The following PREX1 variants were observed in gnomAD, a reference collection of about 807,000 sequenced individuals.
PREX1 encodes phosphatidylinositol-3,4,5-trisphosphate dependent Rac exchange factor 1.
Under a neutral mutation model 198.3 loss-of-function variants are expected in PREX1, and 41 were observed. The ratio of observed to expected loss-of-function variants is 0.21; its 90% CI spans 0.16 to 0.27. The LOEUF (loss-of-function observed/expected upper bound fraction) is 0.27. Among genes scored for constraint, PREX1 ranks in the 10% least tolerant of loss-of-function variants. The pLI is 1.00. For missense variants in PREX1, 1,620 were observed against 2,200.7 expected (o/e 0.74, Z 5.28); for synonymous variants, 843 against 887.2 (o/e 0.95, Z 0.89).
At chr20:48,836,298 G>C in the PREX1 span, among the ~76,000 whole-genome samples, 2 of 152,320 alleles carry the variant, frequency 1.3e-5, no homozygotes, top group South Asian at 4.2e-4. Context: ...GATAGTTAAA[G>C]CCTTGGGGCT....
the PREX1 span, among the ~76,000 whole-genome samples, chr20:48,864,497 G>A: frequency 2.0e-5 from 3 of 152,204 alleles, no homozygotes; most frequent in African/African-American, 7.2e-5. Flanking sequence ...GTCTTCACAA[G>A]CACACTGGGA....
rs915709598 is a variant in PREX1 at position 48,666,726 on chromosome 20, T to C, written c.1666-371A>G. 2.0e-5 allele frequency among the ~76,000 whole-genome samples: 3 copies of C among 151,880 alleles called. No individual in the cohort carries two copies. Among genetic ancestry groups the C allele is most frequent in the African/African-American group, 7.3e-5 (3 of 41,342 alleles). On this transcript the variant is annotated intron_variant, in intron 14 of 39. Coordinates refer to ENST00000371941, the MANE Select transcript of PREX1 (RefSeq NM_020820.4). The surrounding 1 kb of genome is among the most constrained non-coding windows in gnomAD (Gnocchi z 4.3). ...ATTTTTAGTAGAGACGGGGTTTCAC[T>C]GTGTTAGCCAGGATGGTCTCAATCT... is the stretch of plus-strand genomic sequence containing the variant.
In PREX1 at chr20:48,636,628, G is replaced by T; in HGVS notation, c.4002C>A (p.Ala1334=). The T allele has an allele frequency of 2.5e-6, 4 of 1,611,394 alleles. No individual in the cohort carries two copies. The highest frequency in any genetic ancestry group is 3.4e-6 in the Non-Finnish European group (4 of 1,179,488). ...GCAGCTGCTTGGAGAAGGTGCACACGGCGGCCACCAGGGCCTGGCAGAAGA... is the reference window on the plus strand; with the variant it reads ...GCAGCTGCTTGGAGAAGGTGCACACTGCGGCCACCAGGGCCTGGCAGAAGA... The part of the protein sequence containing the change: ...DAIFCQALVA[A]VCTFSKQLLA... Residue 1334 remains alanine (A), a synonymous_variant, in exon 32 of 40, where the codon GCC becomes GCA. Coordinates refer to ENST00000371941, the MANE Select transcript of PREX1 (RefSeq NM_020820.4).
intron 14 of PREX1, among the ~76,000 whole-genome samples, chr20:48,668,754 T>G (rs2044924194): frequency 6.6e-6 from 1 of 152,000 alleles, no homozygotes; most frequent in African/African-American, 2.4e-5. Flanking sequence ...GGCCTGCGGG[T>G]TGGGAACCCT....
chr20:48,720,802 C>G (rs1181506656), intron 5 of PREX1, among the ~76,000 whole-genome samples: 1 of 151,970 alleles, frequency 6.6e-6, no homozygotes, highest in Non-Finnish European at 1.5e-5. Flanking sequence ...CAGCCACTTT[C>G]CTCCCAGCCA....
chr20:48,683,317 C>G (rs1416289820), intron 10 of PREX1, among the ~76,000 whole-genome samples: 2 of 152,236 alleles, frequency 1.3e-5, no homozygotes, highest in Non-Finnish European at 2.9e-5. Flanking sequence ...CAGAGGACAG[C>G]AACTCTGCCC....
chr20:48,805,318 C>T (rs1191052380), intron 1 of PREX1, among the ~76,000 whole-genome samples: 1 of 152,222 alleles, frequency 6.6e-6, no homozygotes, highest in Non-Finnish European at 1.5e-5. Context: ...GAAACTGAGG[C>T]TCAGTCAGAG....
At chr20:48,728,301 G>A (rs1281778656) in intron 4 of PREX1, among the ~76,000 whole-genome samples, 3 of 152,174 alleles carry the variant, frequency 2.0e-5, no homozygotes, top group African/African-American at 7.2e-5. Context: ...GCTGTGCCTT[G>A]TGCTTCACAT....
At chr20:48,773,499 T>A (rs1432641886) in intron 1 of PREX1, among the ~76,000 whole-genome samples, 1 of 152,098 alleles carries the variant, frequency 6.6e-6, no homozygotes, top group Non-Finnish European at 1.5e-5. Flanking sequence ...TGGGACCTCA[T>A]TCATTCATTC....
intron 13 of PREX1, among the ~76,000 whole-genome samples, chr20:48,678,309 CA>C (rs59216848): frequency 3.0e-4 from 42 of 141,684 alleles, no homozygotes; most frequent in Admixed American, 6.4e-4. Flanking sequence ...GGCTCTGTCT[CA>C]AAAAAAAAAA....
chr20:48,652,527 G>A, intron 21 of PREX1, 59 bp downstream of exon 21: 9 of 1,537,722 alleles, frequency 5.9e-6, no homozygotes, highest in Non-Finnish European at 7.9e-6. Context: ...AGAGGACCCA[G>A]CCCCTCCGGA....
At chr20:48,788,841 C>T (rs1280657829) in intron 1 of PREX1, among the ~76,000 whole-genome samples, 1 of 152,046 alleles carries the variant, frequency 6.6e-6, no homozygotes, top group Non-Finnish European at 1.5e-5. Flanking sequence ...GGAGTGGAAC[C>T]GGTGGCTTTG....
At chr20:48,737,017 T>C (rs1421512177) in intron 3 of PREX1, among the ~76,000 whole-genome samples, 1 of 152,060 alleles carries the variant, frequency 6.6e-6, no homozygotes, top group East Asian at 1.9e-4. Flanking sequence ...ATCATTACCA[T>C]AATGGTGTTG....
intron 32 of PREX1, among the ~76,000 whole-genome samples, chr20:48,635,687 A>T (rs2089357272): frequency 6.6e-6 from 1 of 152,172 alleles, no homozygotes; most frequent in Admixed American, 6.5e-5. Flanking sequence ...CTTCCTGTAG[A>T]GATTGCCTTC....
the PREX1 span, among the ~76,000 whole-genome samples, chr20:48,866,328 G>A: frequency 4.6e-5 from 7 of 152,184 alleles, no homozygotes; most frequent in African/African-American, 1.4e-4. Flanking sequence ...TTTTCCAGAT[G>A]GATTTTTTGA....
At chr20:48,694,396 A>G (rs535227794) in intron 7 of PREX1, among the ~76,000 whole-genome samples, 103 of 152,328 alleles carry the variant, frequency 6.8e-4, no homozygotes, top group African/African-American at 2.0e-3. Flanking sequence ...ACTATGTGCC[A>G]GGCACTGTTT....
At chr20:48,661,480 T>C (rs1160305439) in intron 15 of PREX1, among the ~76,000 whole-genome samples, 113 of 111,044 alleles carry the variant, frequency 1.0e-3, no homozygotes, top group African/African-American at 4.2e-3. Context: ...CACACACATA[T>C]ATATAATATA....
At chr20:48,671,348 T>C (rs1427167475) in intron 14 of PREX1, among the ~76,000 whole-genome samples, 1 of 152,176 alleles carries the variant, frequency 6.6e-6, no homozygotes, top group African/African-American at 2.4e-5. Flanking sequence ...ACTGTGACTA[T>C]GAGGCAACTC....
At chr20:48,768,009 G>A (rs915202464) in intron 1 of PREX1, among the ~76,000 whole-genome samples, 4 of 152,166 alleles carry the variant, frequency 2.6e-5, no homozygotes, top group African/African-American at 9.7e-5. Flanking sequence ...TGCCAGCTCC[G>A]TGATGGTGAG....
Sources: allele counts gnomAD v4.1 joint callset (sites outside exome capture counted in the v4.1 genomes callset), GRCh38; gene constraint gnomAD v4.1.1; non-coding constraint Gnocchi (gnomAD v3.1); transcripts MANE v1.5; gene names NCBI Gene and HGNC (gene_info 2026-07-23, HGNC 2026-07-21).